Variants in GLIS3 observed in about 807,000 individuals in gnomAD.
The protein encoded by GLIS3 is GLIS family zinc finger 3.
GLIS3 carries 53 observed loss-of-function variants against 78.6 expected under a neutral mutation model. The observed-to-expected ratio is 0.67, with a 90% CI of 0.54 to 0.85. The LOEUF (loss-of-function observed/expected upper bound fraction) is 0.85, where lower values mean the gene tolerates loss of function less well. Ranked by LOEUF, GLIS3 falls within the 40% of genes least tolerant of loss-of-function variation. The probability of loss-of-function intolerance (pLI) is 0.00; values close to 1 mark genes in which losing one functional copy is unlikely to be tolerated. For missense variants in GLIS3, 1,703 were observed against 1,231.1 expected (o/e 1.38, Z -5.74); for synonymous variants, 684 against 509.9 (o/e 1.34, Z -4.60).
intron 4 of GLIS3, among the ~76,000 whole-genome samples, chr9:3,954,298 G>C (rs950066816): frequency 6.6e-6 from 1 of 152,160 alleles, no homozygotes; most frequent in African/African-American, 2.4e-5. Context: ...GAAGCTCCTC[G>C]ATAAAGAGGC....
chr9:4,323,716 T>A (rs1266927904), intron 2 of GLIS3, among the ~76,000 whole-genome samples: 3 of 152,334 alleles, frequency 2.0e-5, no homozygotes, highest in Middle Eastern at 3.4e-3. Context: ...ATCTGCATGA[T>A]TGGGATCTGT....
chr9:3,833,674 T>G lies in GLIS3; in HGVS notation c.2474-4182A>C, dbSNP rs1480042755. 2.6e-5 allele frequency among the ~76,000 whole-genome samples: 4 copies of G among 152,174 alleles called. No individual in the cohort carries two copies. The East Asian group carries it at 5.8e-4, about 22-fold the overall frequency. On this transcript the variant is annotated intron_variant, in intron 9 of 10. Transcript: ENST00000381971. ...TTGAGGATTGATAACACAGCTGGAG[T>G]GAGAACACATGCATTTATAGTAGCA...
chr9:4,152,158 T>C, intron 2 of GLIS3: 1 of 978,616 alleles, frequency 1.0e-6, no homozygotes, highest in Admixed American at 6.2e-5. Flanking sequence ...CTCTGCTTCC[T>C]CCAACACCCT....
intron 2 of GLIS3, among the ~76,000 whole-genome samples, chr9:4,243,386 GCACACATACA>G (rs990720615): frequency 3.2e-5 from 2 of 61,886 alleles, no homozygotes; most frequent in East Asian, 7.1e-4. Flanking sequence ...GTTTACACAT[GCACACATACA>G]CGCACACACA....
chr9:3,920,416 A>G (rs181059445), intron 6 of GLIS3, among the ~76,000 whole-genome samples: 1 of 152,116 alleles, frequency 6.6e-6, no homozygotes, highest in Non-Finnish European at 1.5e-5. Context: ...TGTCTAATCA[A>G]TTTCATGCTT....
chr9:4,421,770 C>A, the GLIS3 span, among the ~76,000 whole-genome samples: 9 of 152,108 alleles, frequency 5.9e-5, no homozygotes, highest in Non-Finnish European at 2.9e-5. Context: ...TAAAGAGTAC[C>A]AACTATGTCC....
chr9:3,920,395 C>T (rs1252101469), intron 6 of GLIS3, among the ~76,000 whole-genome samples: 1 of 152,010 alleles, frequency 6.6e-6, no homozygotes, highest in Non-Finnish European at 1.5e-5. Context: ...AGTGTTTTTG[C>T]TATGTTAAAG....
intron 4 of GLIS3, among the ~76,000 whole-genome samples, chr9:4,032,745 C>A (rs1033300978): frequency 2.0e-5 from 3 of 150,264 alleles, no homozygotes; most frequent in African/African-American, 7.6e-5. Flanking sequence ...TTTCTGCTTA[C>A]CACATCCAAC....
At chr9:3,843,337 C>T (rs1216264158) in intron 9 of GLIS3, among the ~76,000 whole-genome samples, 2 of 152,214 alleles carry the variant, frequency 1.3e-5, no homozygotes, top group East Asian at 1.9e-4. Flanking sequence ...ACCTCTGCTT[C>T]ATAGCTGAGT....
At chr9:4,193,208 G>C (rs767456888) in intron 2 of GLIS3, among the ~76,000 whole-genome samples, 1 of 152,224 alleles carries the variant, frequency 6.6e-6, no homozygotes, top group Non-Finnish European at 1.5e-5. Flanking sequence ...GGCTAAGAAT[G>C]TTCTTTACAT....
chr9:4,461,346 T>C, the GLIS3 span, among the ~76,000 whole-genome samples: 1 of 147,446 alleles, frequency 6.8e-6, no homozygotes, highest in Non-Finnish European at 1.5e-5. Flanking sequence ...AGGGAATACA[T>C]TTTTCAATTA....
chr9:4,334,357 G>A (rs1392212491), intron 2 of GLIS3, among the ~76,000 whole-genome samples: 1 of 152,226 alleles, frequency 6.6e-6, no homozygotes, highest in Non-Finnish European at 1.5e-5. Context: ...GGCAGCTACA[G>A]AGTATGTGGG....
intron 2 of GLIS3, among the ~76,000 whole-genome samples, chr9:4,207,884 A>G (rs1461899904): frequency 5.3e-5 from 8 of 152,184 alleles, no homozygotes; most frequent in African/African-American, 1.7e-4. Flanking sequence ...TGATTCTATA[A>G]TTCTAACTTC....
intron 4 of GLIS3, among the ~76,000 whole-genome samples, chr9:4,037,998 G>C (rs1824476894): frequency 6.6e-6 from 1 of 152,024 alleles, no homozygotes; most frequent in Non-Finnish European, 1.5e-5. Flanking sequence ...TTACAAGATA[G>C]CCCATCTGTC....
intron 2 of GLIS3, among the ~76,000 whole-genome samples, chr9:4,257,810 T>A (rs1003146572): frequency 5.3e-5 from 8 of 152,206 alleles, no homozygotes; most frequent in African/African-American, 1.9e-4. Context: ...CCTGACCTCA[T>A]GATCTGCCCG....
chr9:4,205,970 T>G lies in GLIS3; in HGVS notation c.389-80029A>C, dbSNP rs575681251. Among the ~76,000 whole-genome samples, 5 of 152,314 alleles carry G rather than the reference T, an allele frequency of 3.3e-5. No individual in the cohort carries two copies. In the South Asian group the frequency reaches 1.0e-3, roughly 32 times the overall value. Reference sequence around the variant, plus strand: ...TTTTTTTTAGTTTGTTTTTGTTCATTGTTTGTTTGTTTGCTTGCTTGTTCC... The same window carrying G: ...TTTTTTTTAGTTTGTTTTTGTTCATGGTTTGTTTGTTTGCTTGCTTGTTCC... On this transcript the variant is annotated intron_variant, in intron 2 of 10. Coordinates refer to ENST00000381971, the MANE Select transcript of GLIS3 (RefSeq NM_001042413.2).
At chr9:4,410,584 T>C in the GLIS3 span, among the ~76,000 whole-genome samples, 1 of 152,242 alleles carries the variant, frequency 6.6e-6, no homozygotes, top group African/African-American at 2.4e-5. Context: ...GTTGTACATT[T>C]GCTTTGATCC....
chr9:4,123,688 G>C (rs909178250), intron 3 of GLIS3: 5 of 394,738 alleles, frequency 1.3e-5, no homozygotes, highest in Non-Finnish European at 2.2e-5. Context: ...TAGATTACTA[G>C]ATCAATTTAG....
At chr9:4,176,908 G>A (rs1162076415) in intron 2 of GLIS3, among the ~76,000 whole-genome samples, 2 of 152,268 alleles carry the variant, frequency 1.3e-5, no homozygotes, top group East Asian at 1.9e-4. Flanking sequence ...ACAGGCGTAA[G>A]CCACCATGCC....
Sources: gnomAD v4.1 joint callset for allele counts (sites outside exome capture counted in the v4.1 genomes callset) on GRCh38, gnomAD v4.1.1 for gene constraint, MANE v1.5 for transcripts, NCBI Gene and HGNC (gene_info 2026-07-23, HGNC 2026-07-21) for gene names.